Variants in TRRAP observed in about 807,000 individuals in gnomAD.
TRRAP encodes transformation/transcription domain-associated protein.
TRRAP carries 41 observed loss-of-function variants against 438.8 expected under a neutral mutation model. The ratio of observed to expected loss-of-function variants is 0.09; its 90% CI spans 0.07 to 0.12. The LOEUF is 0.12. Ranked by LOEUF, TRRAP falls within the 10% of genes least tolerant of loss-of-function variation. The pLI is 1.00. For missense variants in TRRAP, 3,122 were observed against 5,055.1 expected (o/e 0.62, Z 11.60); for synonymous variants, 1,994 against 1,962.9 (o/e 1.02, Z -0.42).
intron 45 of TRRAP, among the ~76,000 whole-genome samples, chr7:98,960,033 C>T (rs1269944345): frequency 6.6e-6 from 1 of 151,718 alleles, no homozygotes; most frequent in Non-Finnish European, 1.5e-5. Context: ...GAGTGTTTAA[C>T]CTTAATACAG....
intron 29 of TRRAP, 27 bp downstream of exon 29, chr7:98,937,304 GCA>G: frequency 1.9e-6 from 3 of 1,600,174 alleles, no homozygotes; most frequent in Non-Finnish European, 2.6e-6. Context: ...GCGTGTATGC[GCA>G]CGCGTGTGTG....
chr7:98,979,915 G>A (rs1792834968), intron 58 of TRRAP, among the ~76,000 whole-genome samples: 1 of 152,126 alleles, frequency 6.6e-6, no homozygotes, highest in Non-Finnish European at 1.5e-5. Flanking sequence ...TAGTTTCTTG[G>A]TTTCATTTAG....
intron 40 of TRRAP, 100 bp from the exon 41 acceptor site, chr7:98,954,998 T>C (rs1791530544): frequency 1.6e-6 from 2 of 1,283,234 alleles, no homozygotes; most frequent in African/African-American, 1.5e-5. Context: ...TTTTAAAAAA[T>C]TGTTTTGGAA....
At chr7:98,900,593 G>T in intron 10 of TRRAP, 31 bp from the exon 11 acceptor site, 1 of 1,556,540 alleles carries the variant, frequency 6.4e-7, no homozygotes, top group South Asian at 1.2e-5. Flanking sequence ...TCATAATTGA[G>T]AGGTAATATT....
chr7:98,933,532 A>C, intron 27 of TRRAP, 130 bp downstream of exon 27: 1 of 1,269,508 alleles, frequency 7.9e-7, no homozygotes, highest in East Asian at 2.6e-5. Context: ...TAACCCACTG[A>C]CACCTGGCAC....
In TRRAP at chr7:98,976,403, A is replaced by C. The variant is rs1792658936; in HGVS notation, c.7960-80A>C. ...GGCTGTCACTCGAGCGAATTAGGAA[A>C]GGTATTCTTGCATCGAGAGAGACAG... On this transcript the variant is annotated intron_variant, in intron 54 of 72. Coordinates refer to ENST00000456197, the MANE Select transcript of TRRAP (RefSeq NM_001375524.1). This position sits in a 1 kb window ranked among gnomAD's most constrained non-coding sequence, Gnocchi z 4.6. 7.6e-6 allele frequency: 12 copies of C among 1,571,756 alleles called. No homozygotes were observed. The highest frequency in any genetic ancestry group is 1.0e-5 in the Non-Finnish European group (12 of 1,161,848).
chr7:98,922,317 C>G (rs1415628996), intron 21 of TRRAP, among the ~76,000 whole-genome samples: 3 of 152,198 alleles, frequency 2.0e-5, no homozygotes, highest in African/African-American at 7.2e-5. Context: ...CATTCTCTAT[C>G]CAAACGCAGC....
chr7:99,005,471 G>A lies in TRRAP; in HGVS notation c.10753+123G>A. ...CTTTGAGGGTCCAGCTGCGTCAGCA[G>A]AGAATGTTGTAGTCTGTGCTGACCA... is the stretch of plus-strand genomic sequence containing the variant. On this transcript the variant is annotated intron_variant, in intron 69 of 72. Transcript: ENST00000456197. The surrounding 1 kb of genome is among the most constrained non-coding windows in gnomAD (Gnocchi z 5.1). 1 of 919,534 alleles carries A rather than the reference G, an allele frequency of 1.1e-6. No individual in the cohort carries two copies. The highest frequency in any genetic ancestry group is 1.7e-6 in the Non-Finnish European group (1 of 589,394). The allele number at this position is 919,534 out of a possible 1,614,324, so 57.0% of individuals were successfully genotyped here. A position where few individuals can be genotyped will look rare whatever the true frequency, so the allele number is the denominator to read the frequency against.
At chr7:98,940,916 G>T (rs1790768385) in intron 30 of TRRAP, among the ~76,000 whole-genome samples, 1 of 152,148 alleles carries the variant, frequency 6.6e-6, no homozygotes, top group Non-Finnish European at 1.5e-5. Flanking sequence ...GAGTTTAATA[G>T]CTCAAGCCAT....
intron 3 of TRRAP, among the ~76,000 whole-genome samples, chr7:98,882,225 A>G (rs782002478): frequency 2.0e-5 from 3 of 152,092 alleles, no homozygotes; most frequent in Non-Finnish European, 2.9e-5. Flanking sequence ...ACCCCATACC[A>G]TGTTGAGGAT....
At chr7:98,965,933 A>G (rs746727105) in intron 49 of TRRAP, 38 bp downstream of exon 49, 43 of 1,606,296 alleles carry the variant, frequency 2.7e-5, no homozygotes, top group Non-Finnish European at 3.3e-5. Context: ...CTCCCTTTCA[A>G]TAAAAGAAAA....
In TRRAP at chr7:98,994,897, A is replaced by G. The variant is rs781775341; in HGVS notation, c.10309+49A>G. 2.4e-5 allele frequency: 38 copies of G among 1,593,804 alleles called. No individual in the cohort carries two copies. In the African/African-American group the frequency reaches 4.4e-4, roughly 19 times the overall value. On this transcript the variant is annotated intron_variant, in intron 67 of 72. Coordinates refer to ENST00000456197, the MANE Select transcript of TRRAP (RefSeq NM_001375524.1). This position sits in a 1 kb window ranked among gnomAD's most constrained non-coding sequence, Gnocchi z 4.8. ...TCCATAGGGAGAATTGTGCACGCTG[A>G]TTTCCTCCGGCTTTAGTGTTGAAGC...
In TRRAP at chr7:98,881,142, A is replaced by G; in HGVS notation, c.-9A>G. On this transcript the variant is annotated 5_prime_UTR_variant, in exon 2 of 73. Coordinates refer to ENST00000456197, the MANE Select transcript of TRRAP (RefSeq NM_001375524.1). Reference sequence around the variant, plus strand: ...TTTCTCTTGAGAAGCAAACCAGCCCAAAAGAAAAATGGCGTTTGTTGCAAC... The same window carrying G: ...TTTCTCTTGAGAAGCAAACCAGCCCGAAAGAAAAATGGCGTTTGTTGCAAC... 6.2e-7 allele frequency: 1 copy of G among 1,601,914 alleles called. No individual in the cohort carries two copies. The highest frequency in any genetic ancestry group is 8.5e-7 in the Non-Finnish European group (1 of 1,173,622).
chr7:98,988,915 G>A lies in TRRAP; in HGVS notation c.9540G>A (p.Leu3180=). 2 of 1,614,078 alleles carry A rather than the reference G, an allele frequency of 1.2e-6. No homozygotes were observed. The highest frequency in any genetic ancestry group is 8.5e-7 in the Non-Finnish European group (1 of 1,180,002). ...HLGVSAITCY[L]HACRHQNESK... is the part of the protein sequence containing the mutation. ...GCGTGTCTGCCATCACCTGCTACCT[G>A]CACGCCTGCCGGCATCAGAACGAGA... The change falls in exon 63 of 73, where the codon CTG becomes CTA. Residue 3180 remains leucine (L), a synonymous_variant. Coordinates refer to ENST00000456197, the MANE Select transcript of TRRAP (RefSeq NM_001375524.1).
chr7:98,933,337 A>G lies in TRRAP; in HGVS notation c.3949A>G (p.Thr1317Ala). The change falls in exon 27 of 73, where the codon ACG becomes GCG. Residue 1317 changes from threonine to alanine, a missense_variant. Thr to Ala is a moderately conservative substitution (Grantham distance 58, BLOSUM62 0). Transcript: ENST00000456197. ...GATGGAGGGGAACACGTTCTGTACC[A>G]CGTTGCAGCCCAGGCTCTTCACAAT... ...GLMEGNTFCT[T>A]LQPRLFTMDL... 6.2e-7 allele frequency: 1 copy of G among 1,614,134 alleles called. No individual in the cohort carries two copies. The highest frequency in any genetic ancestry group is 1.6e-4 in the Middle Eastern group (1 of 6,062).
At chr7:98,945,903 C>T in intron 32 of TRRAP, 27 bp from the exon 33 acceptor site, 1 of 1,546,160 alleles carries the variant, frequency 6.5e-7, no homozygotes, top group Non-Finnish European at 8.7e-7. Context: ...TGCCTTTTTT[C>T]ATGCTGTAAT....
Position 98,994,975 on chromosome 7 carries a change from T to C in TRRAP, c.10309+127T>C, listed in dbSNP as rs1000703056. 7.4e-7 allele frequency: 1 copy of C among 1,346,596 alleles called. No homozygotes were observed. Among genetic ancestry groups the C allele is most frequent in the Non-Finnish European group, 1.0e-6 (1 of 991,266 alleles). The allele number at this position is 1,346,596 out of a possible 1,614,324, so 83.4% of individuals were successfully genotyped here. A position where few individuals can be genotyped will look rare whatever the true frequency, so the allele number is the denominator to read the frequency against. On this transcript the variant is annotated intron_variant, in intron 67 of 72. Coordinates refer to ENST00000456197, the MANE Select transcript of TRRAP (RefSeq NM_001375524.1). The surrounding 1 kb of genome is among the most constrained non-coding windows in gnomAD (Gnocchi z 4.8). Reference sequence around the variant, plus strand: ...TGCACGGGGCACACTGGTTACACTCTGTTTACAGTGCAGACTTCAGAGTGC... The same window carrying C: ...TGCACGGGGCACACTGGTTACACTCCGTTTACAGTGCAGACTTCAGAGTGC...
intron 33 of TRRAP, among the ~76,000 whole-genome samples, chr7:98,946,277 A>G (rs1791051366): frequency 1.5e-5 from 1 of 68,118 alleles, no homozygotes; most frequent in African/African-American, 2.7e-5. Flanking sequence ...CTGAGAGGAA[A>G]CTCACACAGA....
At chr7:98,900,478 G>A (rs2116349585) in intron 10 of TRRAP, 146 bp from the exon 11 acceptor site, 1 of 618,584 alleles carries the variant, frequency 1.6e-6, no homozygotes, top group Non-Finnish European at 2.7e-6. Context: ...TTGCACGAAA[G>A]GTGTAGACAC....
Sources: allele counts gnomAD v4.1 joint callset (sites outside exome capture counted in the v4.1 genomes callset), GRCh38; gene constraint gnomAD v4.1.1; non-coding constraint Gnocchi (gnomAD v3.1); transcripts MANE v1.5; gene names NCBI Gene and HGNC (gene_info 2026-07-23, HGNC 2026-07-21).